AHDC1: variants seen among roughly 807,000 people sequenced by gnomAD.
AHDC1 encodes the protein transcription factor Gibbin.
Under a neutral mutation model 87.9 loss-of-function variants are expected in AHDC1, and 7 were observed. That is an observed-to-expected ratio of 0.08 (90% CI 0.05 to 0.15). The LOEUF (loss-of-function observed/expected upper bound fraction) is 0.15. AHDC1 is among the 10% of genes least tolerant of loss of function. The pLI, the probability that AHDC1 is intolerant of heterozygous loss-of-function variation, is 1.00. For missense variants in AHDC1, 1,841 were observed against 2,253.2 expected, an observed-to-expected ratio of 0.82 and a Z score of 3.70; for synonymous variants, 1,051 against 1,006.8, an observed-to-expected ratio of 1.04 and a Z score of -0.83.
At position 27,565,135 on chromosome 1, in the gene AHDC1, A is replaced by G. The variant is rs2020263350; in HGVS notation, c.-628-6252T>C. On this transcript the variant is annotated intron_variant, in intron 3 of 8. Transcript: ENST00000673934. This position sits in a 1 kb window ranked among gnomAD's most constrained non-coding sequence, Gnocchi z 4.6. ...AGGCATGCTCGCTCCCGCGCAGGGAAGCGGCTAATTTTAGCTGAGGCCTCG... is the reference window on the plus strand; with the variant it reads ...AGGCATGCTCGCTCCCGCGCAGGGAGGCGGCTAATTTTAGCTGAGGCCTCG... Among the ~76,000 whole-genome samples the G allele has an allele frequency of 6.6e-6, 1 of 152,144 alleles. No individual in the cohort carries two copies. Among genetic ancestry groups the G allele is most frequent in the Admixed American group, 6.5e-5 (1 of 15,292 alleles).
intron 3 of AHDC1, among the ~76,000 whole-genome samples, chr1:27,575,794 G>A (rs1181852094): frequency 6.6e-6 from 1 of 151,474 alleles, no homozygotes; most frequent in African/African-American, 2.4e-5. Context: ...CCGACCGGGG[G>A]CTATTTTGAG....
At chr1:27,600,766 G>C (rs1055495696) in intron 3 of AHDC1, among the ~76,000 whole-genome samples, 1 of 152,146 alleles carries the variant, frequency 6.6e-6, no homozygotes, top group Non-Finnish European at 1.5e-5. Context: ...TTAACCTTTT[G>C]AATCCAAGTC....
intron 8 of AHDC1, among the ~76,000 whole-genome samples, chr1:27,542,760 C>T (rs1269417856): frequency 3.9e-5 from 6 of 152,200 alleles, no homozygotes; most frequent in East Asian, 1.9e-4. Flanking sequence ...TGCTCTGGGA[C>T]GTGGGAAGAT....
Position 27,548,562 on chromosome 1 carries a change from G to A in AHDC1, c.3554C>T (p.Ala1185Val). ...CTCACTACTTGAGGCCTCGCTGTTG[G>A]CACGCCGAAACCCCCCGCCACCAAC... ...QPVGGGGFRR[A>V]NSEASSSEGQ... The change falls in exon 8 of 9, where the codon GCC becomes GTC. Residue 1185 changes from alanine (A) to valine (V), a missense_variant. Physicochemically the swap from Ala to Val is moderately conservative, Grantham distance 64 (BLOSUM62 0). This residue lies in a region of AHDC1 where 505 missense variants were observed against 626.2 expected (regional missense o/e 0.81). Coordinates refer to ENST00000673934, the MANE Select transcript of AHDC1 (RefSeq NM_001371928.1). 1.9e-6 allele frequency: 3 copies of A among 1,613,550 alleles called. No individual in the cohort carries two copies. Among genetic ancestry groups the A allele is most frequent in the Non-Finnish European group, 1.7e-6 (2 of 1,179,996 alleles).
intron 3 of AHDC1, among the ~76,000 whole-genome samples, chr1:27,575,388 C>A (rs1372872593): frequency 6.6e-6 from 1 of 152,098 alleles, no homozygotes; most frequent in East Asian, 1.9e-4. Context: ...GGACCCCCGC[C>A]AGACCCGAAA....
rs1412869495 is a variant in AHDC1, at chr1:27,549,675, C to T, written c.2441G>A (p.Gly814Asp). 3 of 1,613,090 alleles carry T rather than the reference C, an allele frequency of 1.9e-6. No individual in the cohort carries two copies. Among genetic ancestry groups the T allele is most frequent in the South Asian group, 1.1e-5 (1 of 91,084 alleles). ...GGGTGCACCCGTGCTGTAGTAGCTG[C>T]CACGGCCTGAGGCTCCACTCTCCAG... The part of the protein sequence containing the change: ...TGLESGASGR[G>D]SYYSTGAPSG... Residue 814 changes from glycine (G) to aspartate (D), a missense_variant, in exon 8 of 9, where the codon GGC (glycine) becomes GAC (aspartate). Physicochemically the swap from Gly to Asp is moderately conservative, Grantham distance 94. Around this residue, in one of 13 missense-constraint regions of AHDC1, gnomAD observed 236 missense variants for 257.9 expected, o/e 0.92. Transcript: ENST00000673934.
intron 8 of AHDC1, among the ~76,000 whole-genome samples, chr1:27,545,231 T>C (rs1051659223): frequency 3.3e-5 from 5 of 152,064 alleles, no homozygotes; most frequent in Non-Finnish European, 7.3e-5. Context: ...TCCCTCTAAA[T>C]GGGAAGCCCC....
Position 27,550,649 on chromosome 1 carries a change from G to T in AHDC1, c.1467C>A (p.Asn489Lys). The T allele has an allele frequency of 1.9e-6, 3 of 1,613,592 alleles. No homozygotes were observed. Among genetic ancestry groups the T allele is most frequent in the Non-Finnish European group, 2.5e-6 (3 of 1,180,000 alleles). The change falls in exon 8 of 9, where the codon AAC becomes AAA. Residue 489 changes from asparagine to lysine, a missense_variant. Coordinates refer to ENST00000673934, the MANE Select transcript of AHDC1 (RefSeq NM_001371928.1). ...AGGAAGACACTTTGTATGTGGTCTTGTTCCGCCGCCCCAGCGATACGGGGA... is the reference window on the plus strand; with the variant it reads ...AGGAAGACACTTTGTATGTGGTCTTTTTCCGCCGCCCCAGCGATACGGGGA... ...AKIPVSLGRR[N>K]KTTYKVSSLS...
intron 3 of AHDC1, among the ~76,000 whole-genome samples, chr1:27,602,820 C>T (rs1260985062): frequency 2.0e-5 from 3 of 152,218 alleles, no homozygotes; most frequent in African/African-American, 4.8e-5. Flanking sequence ...CCGCCCCACA[C>T]CCCCTCCGGG....
chr1:27,547,767 G>A lies in AHDC1; in HGVS notation c.4349C>T (p.Pro1450Leu), dbSNP rs377174668. 8.2e-6 allele frequency: 13 copies of A among 1,580,428 alleles called. No homozygotes were observed. Among genetic ancestry groups the A allele is most frequent in the East Asian group, 4.5e-5 (2 of 44,126 alleles). Residue 1450 changes from proline (P) to leucine (L), a missense_variant, in exon 8 of 9, where the codon CCG (proline) becomes CTG (leucine). By Grantham distance (98) the Pro-to-Leu change is moderately conservative. Transcript: ENST00000673934. This position sits in a 1 kb window ranked among gnomAD's most constrained non-coding sequence, Gnocchi z 4.9. The stretch of plus-strand genomic sequence containing the variant: ...GGAATCGTAGTGGGGCTGGCCCAGC[G>A]GCAGGTCCCGGCAGCTCAGGTGGGC... ...AQAHLSCRDLPLGQPHYDSPS... is the reference protein window; with the variant it reads ...AQAHLSCRDLLLGQPHYDSPS...
intron 8 of AHDC1, among the ~76,000 whole-genome samples, chr1:27,535,163 A>T (rs1040426378): frequency 1.3e-5 from 2 of 152,128 alleles, no homozygotes; most frequent in Non-Finnish European, 2.9e-5. Flanking sequence ...CTGGGTGAGG[A>T]GGTGGGGTTC....
At chr1:27,545,480 G>A (rs2148242120) in intron 8 of AHDC1, among the ~76,000 whole-genome samples, 1 of 152,120 alleles carries the variant, frequency 6.6e-6, no homozygotes, top group African/African-American at 2.4e-5. Context: ...GCTGTGACCT[G>A]CCCAAACACC....
intron 3 of AHDC1, among the ~76,000 whole-genome samples, chr1:27,597,965 C>G (rs1421804805): frequency 6.6e-6 from 1 of 152,136 alleles, no homozygotes; most frequent in East Asian, 1.9e-4. Flanking sequence ...TGTCCCAGTC[C>G]ATCTGTCCGT....
At chr1:27,575,942 C>CGGGTCG (rs1333619791) in intron 3 of AHDC1, among the ~76,000 whole-genome samples, 1 of 151,672 alleles carries the variant, frequency 6.6e-6, no homozygotes, top group East Asian at 2.0e-4. Context: ...CGTCGCGATC[C>CGGGTCG]GGGTCGGGCT....
rs2019368588 is a variant in AHDC1 at position 27,549,143 on chromosome 1, G to A, written c.2973C>T (p.Asp991=). Residue 991 remains aspartate, a synonymous_variant, in exon 8 of 9, where the codon GAC becomes GAT. Transcript: ENST00000673934. ...AGCTGCAGTCCTTGCTGTTAGCGCA[G>A]TCCTGGCCTGTAAAGGGCTTAGTTG... ...FAPTKPFTGQ[D]CANSKDCSFA... 8 of 1,561,932 alleles carry A rather than the reference G, an allele frequency of 5.1e-6. No individual in the cohort carries two copies. The East Asian group carries it at 1.6e-4, about 31-fold the overall frequency.
In AHDC1 at chr1:27,547,373, G is replaced by A. The variant is rs769103308; in HGVS notation, c.4743C>T (p.Pro1581=). 3.2e-6 allele frequency: 5 copies of A among 1,554,696 alleles called. No homozygotes were observed. In the East Asian group the frequency reaches 9.0e-5, roughly 28 times the overall value. Residue 1581 remains proline (P), a synonymous_variant, in exon 8 of 9, where the codon CCC becomes CCT. Coordinates refer to ENST00000673934, the MANE Select transcript of AHDC1 (RefSeq NM_001371928.1). This position sits in a 1 kb window ranked among gnomAD's most constrained non-coding sequence, Gnocchi z 4.9. ...PQAHPGLGGG[P]KSGFLGPMAE... The stretch of plus-strand genomic sequence containing the variant: ...CCATGGGCCCCAGGAAGCCGCTCTT[G>A]GGGCCCCCACCCAGGCCAGGATGCG...
chr1:27,602,260 G>A (rs2089549803), intron 3 of AHDC1, among the ~76,000 whole-genome samples: 1 of 151,316 alleles, frequency 6.6e-6, no homozygotes, highest in South Asian at 2.1e-4. Context: ...GAGAATTCCC[G>A]CCCCCGCTTC....
chr1:27,569,483 C>G (rs923601537), intron 3 of AHDC1, among the ~76,000 whole-genome samples: 2 of 152,180 alleles, frequency 1.3e-5, no homozygotes, highest in Non-Finnish European at 2.9e-5. Context: ...CACCCCACCA[C>G]ACACACAACT....
At chr1:27,574,677 G>A (rs1371827448) in intron 3 of AHDC1, among the ~76,000 whole-genome samples, 9 of 152,174 alleles carry the variant, frequency 5.9e-5, no homozygotes, top group Admixed American at 5.9e-4. Context: ...CCATCAGATG[G>A]GGAAGATGCC....
Sources: allele counts gnomAD v4.1 joint callset (sites outside exome capture counted in the v4.1 genomes callset), GRCh38; gene constraint gnomAD v4.1.1; regional missense constraint gnomAD v4.1.1; non-coding constraint Gnocchi (gnomAD v3.1); transcripts MANE v1.5; gene names NCBI Gene and HGNC (gene_info 2026-07-23, HGNC 2026-07-21).